FUT9: variants seen among roughly 807,000 people sequenced by gnomAD.
FUT9 encodes the protein fucosyltransferase 9.
FUT9 carries 15 observed loss-of-function variants against 29.7 expected under a neutral mutation model. The ratio of observed to expected loss-of-function variants is 0.51; its 90% CI spans 0.34 to 0.78. The LOEUF (loss-of-function observed/expected upper bound fraction) is 0.78, where lower values mean the gene tolerates loss of function less well. FUT9 is among the 30% of genes least tolerant of loss of function. FUT9 has a pLI of 0.01. For missense variants in FUT9, 319 were observed against 425.4 expected, an observed-to-expected ratio of 0.75 and a Z score of 2.20; for synonymous variants, 169 against 153.7, an observed-to-expected ratio of 1.10 and a Z score of -0.74.
intron 1 of FUT9, among the ~76,000 whole-genome samples, chr6:96,027,106 A>C (rs2127924489): frequency 6.6e-6 from 1 of 151,810 alleles, no homozygotes; most frequent in South Asian, 2.1e-4. Context: ...TCATGTAAAT[A>C]TTCATATCCT....
At chr6:96,117,396 A>G (rs778782810) in intron 2 of FUT9, among the ~76,000 whole-genome samples, 9 of 152,228 alleles carry the variant, frequency 5.9e-5, no homozygotes, top group South Asian at 2.1e-4. Context: ...TTTAAAATAC[A>G]TAGATACAGA....
At chr6:96,201,536 G>A (rs4839816) in intron 2 of FUT9, among the ~76,000 whole-genome samples, 138,580 of 151,820 alleles carry the variant, frequency 0.91, 64,583 homozygotes, top group Non-Finnish European at 1. Context: ...TGACCGATTT[G>A]TTAATTTTCT....
chr6:96,088,738 T>C (rs1260256756), intron 1 of FUT9, among the ~76,000 whole-genome samples: 1 of 142,516 alleles, frequency 7.0e-6, no homozygotes, highest in Non-Finnish European at 1.5e-5. Flanking sequence ...AAAATACTCT[T>C]CATGTCCCAG....
intron 2 of FUT9, among the ~76,000 whole-genome samples, chr6:96,146,121 G>A (rs904413075): frequency 1.6e-4 from 25 of 152,152 alleles, no homozygotes; most frequent in African/African-American, 4.6e-4. Context: ...TTATAGGCAT[G>A]AGCTACCACA....
intron 2 of FUT9, among the ~76,000 whole-genome samples, chr6:96,192,942 A>G (rs1773541997): frequency 1.3e-5 from 2 of 151,992 alleles, no homozygotes; most frequent in Admixed American, 1.3e-4. Flanking sequence ...GACAAAAACA[A>G]GCAATGGGGA....
rs1562157310 is a variant in FUT9 at position 96,187,512 on chromosome 6, T to TATA, written c.-8-15636_-8-15635insATA. On this transcript the variant is annotated intron_variant, in intron 2 of 2. Coordinates refer to ENST00000302103, the MANE Select transcript of FUT9 (RefSeq NM_006581.4). ...TGCAGACTGTAATTCCTAGAAAAGT[T>TATA]TGGAATCCATATAAAACTCCTGTGG... Among the ~76,000 whole-genome samples the TATA allele has an allele frequency of 3.3e-5, 5 of 152,190 alleles. No individual in the cohort carries two copies. In the South Asian group the frequency reaches 1.0e-3, roughly 32 times the overall value.
At chr6:96,136,969 A>T (rs1425471938) in intron 2 of FUT9, among the ~76,000 whole-genome samples, 1 of 152,034 alleles carries the variant, frequency 6.6e-6, no homozygotes, top group Non-Finnish European at 1.5e-5. Context: ...ATAGAATAGG[A>T]TACGAGAAAA....
chr6:96,069,290 C>T (rs2127946814), intron 1 of FUT9, among the ~76,000 whole-genome samples: 1 of 150,496 alleles, frequency 6.6e-6, no homozygotes, highest in South Asian at 2.1e-4. Flanking sequence ...CACTGAACTC[C>T]AGCCTGGGCT....
chr6:96,134,981 G>A (rs756280173), intron 2 of FUT9, among the ~76,000 whole-genome samples: 7 of 151,630 alleles, frequency 4.6e-5, no homozygotes, highest in South Asian at 2.1e-4. Context: ...AACTTGTCAA[G>A]TAGCTGCATG....
intron 1 of FUT9, among the ~76,000 whole-genome samples, chr6:96,103,347 C>A (rs762057673): frequency 2.8e-4 from 43 of 152,036 alleles, no homozygotes; most frequent in Admixed American, 2.3e-3. Flanking sequence ...TTCAAGAACT[C>A]AACACTACAG....
chr6:96,073,915 A>C (rs138373600), intron 1 of FUT9, among the ~76,000 whole-genome samples: 440 of 152,280 alleles, frequency 2.9e-3, no homozygotes, highest in African/African-American at 9.1e-3. Flanking sequence ...GTAGTAATGG[A>C]GTTTTCAAAC....
intron 1 of FUT9, among the ~76,000 whole-genome samples, chr6:96,049,008 T>C (rs1346026667): frequency 6.6e-6 from 1 of 152,214 alleles, no homozygotes; most frequent in Non-Finnish European, 1.5e-5. Flanking sequence ...AAAAATGTTT[T>C]CTTCATAGTT....
At chr6:96,102,864 C>T (rs1771611137) in intron 1 of FUT9, among the ~76,000 whole-genome samples, 1 of 152,162 alleles carries the variant, frequency 6.6e-6, no homozygotes, top group Non-Finnish European at 1.5e-5. Context: ...AACTTAGTTT[C>T]CTCTCATGCA....
intron 1 of FUT9, among the ~76,000 whole-genome samples, chr6:96,102,337 A>T (rs12211908): frequency 1.1e-4 from 17 of 148,884 alleles, no homozygotes; most frequent in South Asian, 6.4e-4. Context: ...ACCTGAGTTT[A>T]AAAAAAAAAG....
At chr6:96,116,030 T>A (rs1215642038) in intron 2 of FUT9, among the ~76,000 whole-genome samples, 3 of 152,146 alleles carry the variant, frequency 2.0e-5, no homozygotes, top group Non-Finnish European at 4.4e-5. Context: ...AATATAGGCA[T>A]CAGACTTGTA....
rs943438361 is a variant in FUT9 at position 96,212,560 on chromosome 6, C to T, written c.*8325C>T. The T allele has an allele frequency of 7.6e-6, 3 of 394,470 alleles. No individual in the cohort carries two copies. The highest frequency in any genetic ancestry group is 2.9e-4 in the South Asian group (2 of 6,854). 24.4% of individuals were successfully genotyped at this position (394,470 alleles called of 1,614,324 possible). On this transcript the variant is annotated 3_prime_UTR_variant, in exon 3 of 3. Coordinates refer to ENST00000302103, the MANE Select transcript of FUT9 (RefSeq NM_006581.4). ...GAAAAAAAAGAACTTTCAGCTTAAT[C>T]GGGGTTAAGGGAGTAATTGTGACAA...
intron 2 of FUT9, among the ~76,000 whole-genome samples, chr6:96,153,791 C>T (rs956885960): frequency 2.7e-5 from 4 of 148,794 alleles, no homozygotes; most frequent in African/African-American, 1.0e-4. Flanking sequence ...AGAATCACTG[C>T]TGTCATTTAA....
At chr6:96,101,439 C>T (rs946616428) in intron 1 of FUT9, among the ~76,000 whole-genome samples, 3 of 151,900 alleles carry the variant, frequency 2.0e-5, no homozygotes, top group Admixed American at 6.6e-5. Flanking sequence ...ATCCCAGCTA[C>T]TCAGGAGGCT....
intron 2 of FUT9, among the ~76,000 whole-genome samples, chr6:96,193,555 A>C (rs4461740): frequency 0.91 from 137,996 of 151,182 alleles, 64,343 homozygotes; most frequent in Non-Finnish European, 1. Context: ...AGGAAACAAC[A>C]AGTGCTGGCG....
Sources: allele counts gnomAD v4.1 joint callset (sites outside exome capture counted in the v4.1 genomes callset), GRCh38; gene constraint gnomAD v4.1.1; transcripts MANE v1.5; gene names NCBI Gene and HGNC (gene_info 2026-07-23, HGNC 2026-07-21).